The following SPAG17 variants were observed in gnomAD, a reference collection of about 807,000 sequenced individuals.
SPAG17 encodes the protein sperm associated antigen 17, also known as sperm-associated antigen 17.
A neutral mutation model predicts 273.6 loss-of-function variants in SPAG17; 169 were observed. That is an observed-to-expected ratio of 0.62 (90% confidence interval 0.55 to 0.70). The LOEUF (loss-of-function observed/expected upper bound fraction) is 0.70. Among genes scored for constraint, SPAG17 ranks in the 30% least tolerant of loss-of-function variants. The pLI is 0.00. For synonymous variants in SPAG17, 825 were observed against 873.2 expected, an observed-to-expected ratio of 0.94 and a Z score of 0.97; for missense variants, 2,557 against 2,627.8, an observed-to-expected ratio of 0.97 and a Z score of 0.59.
chr1:118,037,978 C>T (rs1200317771), intron 23 of SPAG17, among the ~76,000 whole-genome samples: 2 of 152,032 alleles, frequency 1.3e-5, no homozygotes, highest in South Asian at 2.1e-4. Context: ...AAAGGTAATG[C>T]TTTAAGAGAA....
intron 30 of SPAG17, among the ~76,000 whole-genome samples, chr1:118,009,717 A>C (rs975079548): frequency 6.6e-6 from 1 of 152,140 alleles, no homozygotes; most frequent in Non-Finnish European, 1.5e-5. Context: ...AGCTAACTAG[A>C]GCTGTTATCA....
At position 118,086,284 on chromosome 1, in the gene SPAG17, T is replaced by G. The variant is rs114366908; in HGVS notation, c.1612-212A>C. Reference sequence around the variant, plus strand: ...GGATTTCCTGGTGCACAAAAATGACTGATTCTTCATTCACAGTGACAAACT... The same window carrying G: ...GGATTTCCTGGTGCACAAAAATGACGGATTCTTCATTCACAGTGACAAACT... On this transcript the variant is annotated intron_variant, in intron 12 of 48. Transcript: ENST00000336338. Among the ~76,000 whole-genome samples, 639 of 152,346 alleles carry G rather than the reference T, an allele frequency of 4.2e-3. 4 individuals carry two copies. The highest frequency in any genetic ancestry group is 0.015 in the African/African-American group (608 of 41,580).
intron 23 of SPAG17, among the ~76,000 whole-genome samples, chr1:118,038,952 G>GT (rs775340328): frequency 3.5e-4 from 53 of 152,122 alleles, no homozygotes; most frequent in Admixed American, 2.2e-3. Flanking sequence ...TTCATCAACT[G>GT]TAACAAATGT....
chr1:118,044,485 CAA>C (rs879665719), intron 20 of SPAG17, among the ~76,000 whole-genome samples: 1 of 138,442 alleles, frequency 7.2e-6, no homozygotes, highest in African/African-American at 2.6e-5. Flanking sequence ...ACTCCATCTC[CAA>C]AAAAAAAAAG....
chr1:117,963,322 A>G (rs976266351), intron 48 of SPAG17: 1 of 152,160 alleles, frequency 6.6e-6, no homozygotes, highest in African/African-American at 2.4e-5. Flanking sequence ...ATTTTATAAT[A>G]TATATAAAGA....
Position 118,086,072 on chromosome 1 carries a change from C to T in SPAG17, c.1612G>A (p.Asp538Asn), listed in dbSNP as rs751859020. The T allele has an allele frequency of 2.5e-6, 4 of 1,612,700 alleles. No homozygotes were observed. In the South Asian group the frequency reaches 3.3e-5, roughly 13 times the overall value. Reference sequence around the variant, plus strand: ...TGAACTGGATCAAAATTCTTTTGGTCCTGATGAAAAAGAGCAACATGACAG... The same window carrying T: ...TGAACTGGATCAAAATTCTTTTGGTTCTGATGAAAAAGAGCAACATGACAG... ...AHAHKKYALQDQKNFDPVQIE... is the reference protein window; with the variant it reads ...AHAHKKYALQNQKNFDPVQIE... Residue 538 changes from aspartate to asparagine, a missense_variant and splice_region_variant, in exon 13 of 49, where the codon GAC becomes AAC. Transcript: ENST00000336338.
At chr1:117,988,274 T>A in intron 38 of SPAG17, 70 bp from the exon 39 acceptor site, 1 of 1,141,186 alleles carries the variant, frequency 8.8e-7, no homozygotes, top group Non-Finnish European at 1.2e-6. Context: ...AGTACACAAT[T>A]ACTCATTTGA....
In SPAG17 at chr1:118,180,374, T is replaced by C. The variant is rs146822333; in HGVS notation, c.87+4697A>G. ...TGAATATCGTATGTTCTCACTCTTA[T>C]GTAGGAAATAAAAAAGTAGATCTCA... is the stretch of plus-strand genomic sequence containing the variant. On this transcript the variant is annotated intron_variant, in intron 1 of 48. Transcript: ENST00000336338. 9.4e-4 allele frequency among the ~76,000 whole-genome samples: 143 copies of C among 152,164 alleles called. No individual in the cohort carries two copies. The East Asian group carries it at 0.026, about 27-fold the overall frequency.
intron 20 of SPAG17, among the ~76,000 whole-genome samples, chr1:118,052,715 A>G (rs1651201313): frequency 6.6e-6 from 1 of 152,086 alleles, no homozygotes; most frequent in African/African-American, 2.4e-5. Context: ...TGTTTTTAAA[A>G]GCCAACATAA....
intron 17 of SPAG17, 83 bp from the exon 18 acceptor site, chr1:118,066,982 C>A (rs556502784): frequency 7.8e-7 from 1 of 1,276,524 alleles, no homozygotes; most frequent in Admixed American, 2.6e-5. Context: ...TTCTCTACTC[C>A]CTTTTTTTCC....
At chr1:117,968,866 A>G (rs1055107279) in intron 46 of SPAG17, among the ~76,000 whole-genome samples, 2 of 152,338 alleles carry the variant, frequency 1.3e-5, no homozygotes, top group South Asian at 2.1e-4. Flanking sequence ...CTGCCAGACT[A>G]ACTCACTTCA....
At chr1:118,122,674 A>G (rs1035715309) in intron 3 of SPAG17, among the ~76,000 whole-genome samples, 7 of 152,248 alleles carry the variant, frequency 4.6e-5, no homozygotes, top group African/African-American at 1.7e-4. Context: ...TGAGAACAGA[A>G]AGAACTACAG....
intron 48 of SPAG17, among the ~76,000 whole-genome samples, chr1:117,955,605 T>C (rs992639526): frequency 6.6e-6 from 1 of 152,168 alleles, no homozygotes; most frequent in Non-Finnish European, 1.5e-5. Flanking sequence ...TTGTAGGCGA[T>C]GAAATAATAT....
chr1:118,094,763 C>T (rs1186168696), intron 7 of SPAG17, among the ~76,000 whole-genome samples: 1 of 152,182 alleles, frequency 6.6e-6, no homozygotes, highest in African/African-American at 2.4e-5. Context: ...ATTTTCAAGA[C>T]TTTCCCTCCC....
At chr1:117,998,147 T>A (rs1378215777) in intron 32 of SPAG17, among the ~76,000 whole-genome samples, 1 of 152,166 alleles carries the variant, frequency 6.6e-6, no homozygotes, top group Non-Finnish European at 1.5e-5. Context: ...GTGACCAGAA[T>A]GGTATTTTCT....
At chr1:118,020,920 G>C (rs897473206) in intron 28 of SPAG17, among the ~76,000 whole-genome samples, 1 of 152,024 alleles carries the variant, frequency 6.6e-6, no homozygotes, top group Non-Finnish European at 1.5e-5. Context: ...AGTTTTATTA[G>C]AACACAGGCT....
chr1:118,115,882 A>T (rs543016271), intron 3 of SPAG17, among the ~76,000 whole-genome samples: 2 of 152,348 alleles, frequency 1.3e-5, no homozygotes, highest in African/African-American at 4.8e-5. Flanking sequence ...AGTGGAAATG[A>T]CTATGTTAGC....
At chr1:118,090,484 AAGAAATGT>A (rs1655295996) in intron 10 of SPAG17, among the ~76,000 whole-genome samples, 3 of 152,332 alleles carry the variant, frequency 2.0e-5, no homozygotes, top group African/African-American at 7.2e-5. Context: ...AACACTCGAA[AAGAAATGT>A]ATAGCCTTAA....
chr1:117,989,240 GA>G (rs1458374121), intron 38 of SPAG17, among the ~76,000 whole-genome samples: 3 of 152,142 alleles, frequency 2.0e-5, no homozygotes, highest in Non-Finnish European at 2.9e-5. Context: ...AATTCATAAA[GA>G]AAAGAGGTTT....
Sources: gnomAD v4.1 joint callset for allele counts (sites outside exome capture counted in the v4.1 genomes callset) on GRCh38, gnomAD v4.1.1 for gene constraint, MANE v1.5 for transcripts, NCBI Gene and HGNC (gene_info 2026-07-23, HGNC 2026-07-21) for gene names.